The following ST8SIA4 variants were observed in gnomAD, a reference collection of about 807,000 sequenced individuals.
ST8SIA4 encodes the protein CMP-N-acetylneuraminate-poly-alpha-2,8-sialyltransferase.
Under a neutral mutation model 33.9 loss-of-function variants are expected in ST8SIA4, and 15 were observed. That is an observed-to-expected ratio of 0.44 (90% confidence interval 0.30 to 0.68). The LOEUF is 0.68. Among genes scored for constraint, ST8SIA4 ranks in the 30% least tolerant of loss-of-function variants. The pLI is 0.10. For missense variants in ST8SIA4, 321 were observed against 428.0 expected (o/e 0.75, Z 2.21); for synonymous variants, 171 against 151.2 (o/e 1.13, Z -0.96).
intron 3 of ST8SIA4, among the ~76,000 whole-genome samples, chr5:100,872,702 C>A (rs1752221780): frequency 1.3e-5 from 2 of 151,960 alleles, no homozygotes; most frequent in African/African-American, 4.8e-5. Flanking sequence ...TTTCCTGAGG[C>A]CTACCCAGCC....
At position 100,809,953 on chromosome 5, in the gene ST8SIA4, A is replaced by G. The variant is rs1561380363; in HGVS notation, c.*1894T>C. ...TGTACTACTGTGAATATCCTTTTCCATGGTAACACACACACACACACACGT... is the reference window on the plus strand; with the variant it reads ...TGTACTACTGTGAATATCCTTTTCCGTGGTAACACACACACACACACACGT... On this transcript the variant is annotated 3_prime_UTR_variant, in exon 5 of 5. Transcript: ENST00000231461. 2 of 112,064 alleles carry G rather than the reference A, an allele frequency of 1.8e-5. No homozygotes were observed. Among genetic ancestry groups the G allele is most frequent in the Non-Finnish European group, 4.0e-5 (2 of 50,452 alleles). The allele number at this position is 112,064 out of a possible 1,614,324, so 6.9% of individuals were successfully genotyped here.
intron 3 of ST8SIA4, among the ~76,000 whole-genome samples, chr5:100,863,072 TC>T (rs1487607740): frequency 6.6e-6 from 1 of 152,210 alleles, no homozygotes; most frequent in Non-Finnish European, 1.5e-5. Flanking sequence ...GAAGGTTTCA[TC>T]TTTTCTCAGT....
At chr5:100,859,073 C>G (rs766997487) in intron 3 of ST8SIA4, among the ~76,000 whole-genome samples, 1 of 152,048 alleles carries the variant, frequency 6.6e-6, no homozygotes, top group African/African-American at 2.4e-5. Context: ...CTGAATGCCA[C>G]TTATTTAAAA....
Position 100,886,632 on chromosome 5 carries a change from T to A in ST8SIA4, c.246-32A>T, listed in dbSNP as rs759460562. 3.9e-6 allele frequency: 6 copies of A among 1,553,308 alleles called. No individual in the cohort carries two copies. The South Asian group carries it at 6.7e-5, about 17-fold the overall frequency. On this transcript the variant is annotated intron_variant, in intron 2 of 4. Transcript: ENST00000231461. ...TTGAAATACAAGCAAAGTTTTACAT[T>A]ACCATCAGCATATCCAAGAACTGAT...
chr5:100,877,651 C>T (rs970975749), intron 3 of ST8SIA4, among the ~76,000 whole-genome samples: 3 of 151,966 alleles, frequency 2.0e-5, no homozygotes, highest in African/African-American at 7.3e-5. Context: ...CAATATGACC[C>T]TCAAAACAGA....
intron 4 of ST8SIA4, among the ~76,000 whole-genome samples, chr5:100,842,813 T>C (rs1364591463): frequency 6.6e-6 from 1 of 151,868 alleles, no homozygotes; most frequent in African/African-American, 2.4e-5. Context: ...TAGTTTCTAT[T>C]AGATCAAATT....
chr5:100,824,447 G>C (rs1751098420), intron 4 of ST8SIA4, among the ~76,000 whole-genome samples: 1 of 151,970 alleles, frequency 6.6e-6, no homozygotes. Context: ...TAGCTCAGTT[G>C]CTATCTTAAT....
chr5:100,823,156 CAAACAAAA>C lies in ST8SIA4; in HGVS notation c.798-11035_798-11028del, dbSNP rs1219046313. 9.2e-4 allele frequency among the ~76,000 whole-genome samples: 138 copies of C among 149,990 alleles called. 1 individual carries two copies. The highest frequency in any genetic ancestry group is 1.7e-3 in the African/African-American group (70 of 40,626). ...ATAAACAAACAAACAAACAAACAAACAAACAAAAAAACCCCACCAAAACCAAGACGGTG... is the reference window on the plus strand; with the variant it reads ...ATAAACAAACAAACAAACAAACAAACAAACCCCACCAAAACCAAGACGGTG... On this transcript the variant is annotated intron_variant, in intron 4 of 4. Transcript: ENST00000231461.
intron 3 of ST8SIA4, among the ~76,000 whole-genome samples, chr5:100,875,315 TTAAA>T (rs758900230): frequency 6.6e-6 from 1 of 152,186 alleles, no homozygotes; most frequent in Admixed American, 6.5e-5. Context: ...CTTATGGCAC[TTAAA>T]TAAAACTTTA....
intron 4 of ST8SIA4, among the ~76,000 whole-genome samples, chr5:100,817,212 C>T (rs1750945711): frequency 1.4e-5 from 2 of 144,998 alleles, no homozygotes; most frequent in Admixed American, 1.5e-4. Context: ...CGTGATCCAC[C>T]TGCCTCTGCA....
chr5:100,837,159 T>TTAGC (rs1751380904), intron 4 of ST8SIA4, among the ~76,000 whole-genome samples: 1 of 152,030 alleles, frequency 6.6e-6, no homozygotes, highest in African/African-American at 2.4e-5. Context: ...TCAAAAGCAT[T>TTAGC]TAGCCAGTCC....
At chr5:100,893,838 T>C (rs1295341173) in intron 2 of ST8SIA4, among the ~76,000 whole-genome samples, 1 of 152,184 alleles carries the variant, frequency 6.6e-6, no homozygotes, top group Non-Finnish European at 1.5e-5. Flanking sequence ...CTCTATAGCC[T>C]TAATTGGCTC....
chr5:100,895,804 GC>G lies in ST8SIA4; in HGVS notation c.114-20del. On this transcript the variant is annotated intron_variant, in intron 1 of 4. Transcript: ENST00000231461. ...ACCATCTCTGAAACAAAACAAAATT[GC>G]CAGCTTTGTGAAAGTAAGAAACATT... The G allele has an allele frequency of 2.5e-6, 4 of 1,610,346 alleles. No individual in the cohort carries two copies. The highest frequency in any genetic ancestry group is 3.4e-6 in the Non-Finnish European group (4 of 1,177,992).
At chr5:100,875,333 T>A (rs1264725244) in intron 3 of ST8SIA4, among the ~76,000 whole-genome samples, 1 of 152,202 alleles carries the variant, frequency 6.6e-6, no homozygotes, top group Non-Finnish European at 1.5e-5. Context: ...AACTTTAACG[T>A]GACCAATGAT....
At chr5:100,826,913 T>G (rs1357007329) in intron 4 of ST8SIA4, among the ~76,000 whole-genome samples, 1 of 150,466 alleles carries the variant, frequency 6.6e-6, no homozygotes, top group African/African-American at 2.4e-5. Context: ...ATAACACATA[T>G]GTAAATATAT....
chr5:100,832,562 T>C (rs1403522347), intron 4 of ST8SIA4, among the ~76,000 whole-genome samples: 1 of 152,194 alleles, frequency 6.6e-6, no homozygotes, highest in Non-Finnish European at 1.5e-5. Context: ...TGCACTAAAA[T>C]GTATTGCAGC....
intron 4 of ST8SIA4, among the ~76,000 whole-genome samples, chr5:100,852,256 G>T (rs1334582000): frequency 8.6e-5 from 13 of 151,418 alleles, no homozygotes; most frequent in Admixed American, 5.9e-4. Flanking sequence ...CAAGTAGCGG[G>T]GACTACAGGT....
chr5:100,870,641 T>C (rs1297436978), intron 3 of ST8SIA4, among the ~76,000 whole-genome samples: 2 of 152,138 alleles, frequency 1.3e-5, no homozygotes, highest in Non-Finnish European at 2.9e-5. Flanking sequence ...ATCATTTCCA[T>C]TTTTTAAAAT....
At chr5:100,892,424 A>C (rs1435447974) in intron 2 of ST8SIA4, among the ~76,000 whole-genome samples, 5 of 152,124 alleles carry the variant, frequency 3.3e-5, no homozygotes, top group African/African-American at 4.8e-5. Flanking sequence ...TATATCGTGA[A>C]TCCTCAAAGT....
Sources: allele counts gnomAD v4.1 joint callset (sites outside exome capture counted in the v4.1 genomes callset), GRCh38; gene constraint gnomAD v4.1.1; transcripts MANE v1.5; gene names NCBI Gene and HGNC (gene_info 2026-07-23, HGNC 2026-07-21).